INO80: variants seen among roughly 807,000 people sequenced by gnomAD.
INO80 encodes chromatin-remodeling ATPase INO80.
A neutral mutation model predicts 203.4 loss-of-function variants in INO80; 20 were observed. That is an observed-to-expected ratio of 0.10 (90% confidence interval 0.07 to 0.14). INO80 has a LOEUF of 0.14. INO80 is among the 10% of genes least tolerant of loss of function. The probability of loss-of-function intolerance (pLI) is 1.00; values close to 1 mark genes in which losing one functional copy is unlikely to be tolerated. For missense variants in INO80, 1,419 were observed against 1,914.4 expected, an observed-to-expected ratio of 0.74 and a Z score of 4.83; for synonymous variants, 726 against 685.2, an observed-to-expected ratio of 1.06 and a Z score of -0.93.
intron 29 of INO80, 38 bp from the exon 30 acceptor site, chr15:40,988,012 G>A: frequency 6.4e-7 from 1 of 1,565,814 alleles, no homozygotes; most frequent in South Asian, 1.2e-5. Context: ...CACTCTTAGG[G>A]AAGGACCAGA....
chr15:40,999,722 T>G (rs2043932154), intron 28 of INO80, among the ~76,000 whole-genome samples: 1 of 152,188 alleles, frequency 6.6e-6, no homozygotes, highest in South Asian at 2.1e-4. Flanking sequence ...AAACACATTT[T>G]CCCACAGATA....
At chr15:41,108,913 G>T in intron 1 of INO80, 1 of 154,538 alleles carries the variant, frequency 6.5e-6, no homozygotes, top group Non-Finnish European at 1.5e-5. Flanking sequence ...AGCACGCCCA[G>T]TGCCACATCA....
At chr15:41,088,738 AG>A (rs767333837) in intron 5 of INO80, among the ~76,000 whole-genome samples, 2 of 152,240 alleles carry the variant, frequency 1.3e-5, no homozygotes, top group Non-Finnish European at 2.9e-5. Flanking sequence ...AAATTGTCTG[AG>A]GACTGAAATA....
chr15:41,080,078 C>A (rs2045463049), intron 8 of INO80, among the ~76,000 whole-genome samples, 174 bp from the exon 9 acceptor site: 1 of 152,052 alleles, frequency 6.6e-6, no homozygotes, highest in Non-Finnish European at 1.5e-5. Context: ...TAGGCCCAGA[C>A]CCTGTGGTAT....
At chr15:41,106,631 CA>C (rs1347867027) in intron 1 of INO80, among the ~76,000 whole-genome samples, 1 of 148,886 alleles carries the variant, frequency 6.7e-6, no homozygotes, top group Admixed American at 6.7e-5. Context: ...CCTGTCTCAA[CA>C]AAAAAAAAGA....
At chr15:41,020,685 T>C (rs2044280541) in intron 26 of INO80, among the ~76,000 whole-genome samples, 1 of 151,862 alleles carries the variant, frequency 6.6e-6, no homozygotes, top group South Asian at 2.1e-4. Flanking sequence ...TGTAAGCATG[T>C]CAAAGGAGTG....
At chr15:41,086,382 G>A (rs2045565479) in intron 6 of INO80, among the ~76,000 whole-genome samples, 1 of 152,164 alleles carries the variant, frequency 6.6e-6, no homozygotes, top group South Asian at 2.1e-4. Context: ...CAGGTGCGAT[G>A]GCTCACGCCG....
intron 7 of INO80, among the ~76,000 whole-genome samples, chr15:41,084,644 T>G (rs1338342016): frequency 6.6e-6 from 1 of 152,210 alleles, no homozygotes; most frequent in Non-Finnish European, 1.5e-5. Flanking sequence ...TCGTTCACAT[T>G]TTATTCTAGT....
intron 22 of INO80, 77 bp from the exon 23 acceptor site, chr15:41,047,578 A>C: frequency 3.0e-6 from 3 of 1,007,950 alleles, no homozygotes; most frequent in Non-Finnish European, 4.5e-6. Flanking sequence ...TCAACTGCTG[A>C]GTTTTGACTT....
chr15:41,060,458 C>T (rs575564704), intron 14 of INO80, among the ~76,000 whole-genome samples: 7 of 151,722 alleles, frequency 4.6e-5, no homozygotes, highest in Admixed American at 1.3e-4. Flanking sequence ...TGGTGGCACG[C>T]GCCTGTAATC....
At position 41,047,904 on chromosome 15, in the gene INO80, G is replaced by A. The variant is rs139823313; in HGVS notation, c.2641+308C>T. ...TTTCCTTAGGCTAAGACGGAAGGAA[G>A]TCTCATTAATGAGACAGTCCAGCAC... is the stretch of plus-strand genomic sequence containing the variant. On this transcript the variant is annotated intron_variant, in intron 22 of 35. Transcript: ENST00000648947. 4.5e-4 allele frequency among the ~76,000 whole-genome samples: 68 copies of A among 152,318 alleles called. 1 individual carries two copies. The East Asian group carries it at 6.2e-3, about 14-fold the overall frequency.
chr15:41,049,910 C>T (rs374473223), intron 20 of INO80, 25 bp downstream of exon 20: 18 of 1,582,530 alleles, frequency 1.1e-5, no homozygotes, highest in Non-Finnish European at 1.5e-5. Flanking sequence ...AACAAAACTT[C>T]AAGGGAACTG....
intron 1 of INO80, among the ~76,000 whole-genome samples, chr15:41,106,853 C>G (rs751536631): frequency 1.3e-5 from 2 of 152,200 alleles, no homozygotes; most frequent in Non-Finnish European, 2.9e-5. Context: ...CCTCGCTTAT[C>G]TGTAAATTCC....
chr15:41,055,733 G>A (rs1475532112), intron 17 of INO80, among the ~76,000 whole-genome samples: 1 of 152,102 alleles, frequency 6.6e-6, no homozygotes, highest in Non-Finnish European at 1.5e-5. Flanking sequence ...TAGATTAGGG[G>A]TTAGAAAAAT....
rs77165583 is a variant in INO80 at position 41,019,880 on chromosome 15, C to T, written c.3274+1020G>A. 1.3e-3 allele frequency among the ~76,000 whole-genome samples: 199 copies of T among 152,308 alleles called. 2 individuals carry two copies. Among genetic ancestry groups the T allele is most frequent in the African/African-American group, 4.8e-3 (198 of 41,572 alleles). ...TTATCTCTTAGAGACAGAAGAAGAC[C>T]TCTGTTGAATGCTTAGCTCTAGTTT... On this transcript the variant is annotated intron_variant, in intron 26 of 35. Transcript: ENST00000648947.
chr15:41,112,845 C>A (rs1428515324), intron 1 of INO80, among the ~76,000 whole-genome samples: 1 of 146,830 alleles, frequency 6.8e-6, no homozygotes, highest in African/African-American at 2.5e-5. Flanking sequence ...AAAACTTAGT[C>A]TCCTATTAAC....
Position 41,027,520 on chromosome 15 carries a change from A to G in INO80, c.3048+76T>C, listed in dbSNP as rs913907830. 15 of 1,232,900 alleles carry G rather than the reference A, an allele frequency of 1.2e-5. 1 individual carries two copies. In the Middle Eastern group the frequency reaches 1.0e-3, roughly 82 times the overall value. The allele number at this position is 1,232,900 out of a possible 1,614,324, so 76.4% of individuals were successfully genotyped here. A position where few individuals can be genotyped will look rare whatever the true frequency, so the allele number is the denominator to read the frequency against. ...AAATAGTTTAAAACAATTCTGTTTAAGAAATAAATCCCTTAAAAATTGGTT... is the reference window on the plus strand; with the variant it reads ...AAATAGTTTAAAACAATTCTGTTTAGGAAATAAATCCCTTAAAAATTGGTT... On this transcript the variant is annotated intron_variant, in intron 25 of 35. Coordinates refer to ENST00000648947, the MANE Select transcript of INO80 (RefSeq NM_017553.3).
intron 1 of INO80, among the ~76,000 whole-genome samples, 151 bp downstream of exon 1, chr15:41,115,822 C>T (rs1397168963): frequency 6.6e-6 from 1 of 152,210 alleles, no homozygotes; most frequent in Non-Finnish European, 1.5e-5. Flanking sequence ...GGGGAGTGTC[C>T]ACACCCATCC....
intron 9 of INO80, among the ~76,000 whole-genome samples, chr15:41,078,796 A>G (rs1379716215): frequency 6.6e-6 from 1 of 152,144 alleles, no homozygotes; most frequent in African/African-American, 2.4e-5. Context: ...CAATATACAC[A>G]GCCTACATCA....
Sources: allele counts gnomAD v4.1 joint callset (sites outside exome capture counted in the v4.1 genomes callset), GRCh38; gene constraint gnomAD v4.1.1; transcripts MANE v1.5; gene names NCBI Gene and HGNC (gene_info 2026-07-23, HGNC 2026-07-21).